RGMB: variants seen among roughly 807,000 people sequenced by gnomAD.
The protein encoded by RGMB is repulsive guidance molecule B.
RGMB carries 16 observed loss-of-function variants against 26.9 expected under a neutral mutation model. The observed-to-expected ratio is 0.60, with a 90% CI of 0.40 to 0.90. The LOEUF (loss-of-function observed/expected upper bound fraction) is 0.90, where lower values mean the gene tolerates loss of function less well. Ranked by LOEUF, RGMB falls within the 40% of genes least tolerant of loss-of-function variation. The pLI is 0.00. For missense variants in RGMB, 512 were observed against 573.3 expected (o/e 0.89, Z 1.09); for synonymous variants, 225 against 229.3 (o/e 0.98, Z 0.17).
At chr5:98,770,742 T>C, upstream of RGMB, 1 of 965,000 alleles carries the variant, frequency 1.0e-6, no homozygotes, top group Non-Finnish European at 1.4e-6. Flanking sequence ...TTCCTTATTT[T>C]CTCTCCTTTC....
Position 98,794,187 on chromosome 5 carries a change from G to C in RGMB, c.*434G>C, listed in dbSNP as rs1747042867. 1 of 153,786 alleles carries C rather than the reference G, an allele frequency of 6.5e-6. No homozygotes were observed. The highest frequency in any genetic ancestry group is 2.4e-5 in the African/African-American group (1 of 41,444). 9.5% of individuals were successfully genotyped at this position (153,786 alleles called of 1,614,324 possible). On this transcript the variant is annotated 3_prime_UTR_variant, in exon 3 of 3. Transcript: ENST00000513185. The stretch of plus-strand genomic sequence containing the variant: ...CCCATTGCTACTGATTTGCCACGGT[G>C]TGCAGCTTTTACTCGCCACCTTCCG...
At position 98,777,205 on chromosome 5, in the gene RGMB, A is replaced by G. The variant is rs184479395; in HGVS notation, c.137-2375A>G. ...TGAATGGTTCCATCTGCATTTCCAT[A>G]CTGTTCGTTTGATATTTTATGACTA... On this transcript the variant is annotated intron_variant, in intron 1 of 2. Transcript: ENST00000513185. Among the ~76,000 whole-genome samples the G allele has an allele frequency of 5.4e-4, 82 of 152,200 alleles. No homozygotes were observed. In the East Asian group the frequency reaches 0.012, roughly 23 times the overall value.
In RGMB at chr5:98,790,587, A is replaced by T. The variant is rs192420627; in HGVS notation, c.646-2498A>T. Among the ~76,000 whole-genome samples the T allele has an allele frequency of 6.8e-3, 1,031 of 152,276 alleles. 7 individuals are homozygous for T. Among genetic ancestry groups the T allele is most frequent in the African/African-American group, 0.023 (968 of 41,538 alleles). ...GAGTTGGAATTGGTGTGCTTAATGA[A>T]AAAAACAGCCGTGGTGAGACATATG... On this transcript the variant is annotated intron_variant, in intron 2 of 2. Coordinates refer to ENST00000513185, the MANE Select transcript of RGMB (RefSeq NM_001366508.1).
rs1301313272 is a variant in RGMB, at chr5:98,793,490, C to A, written c.1051C>A (p.Leu351Met). Residue 351 changes from leucine (L) to methionine (M), a missense_variant, in exon 3 of 3, where the codon CTG becomes ATG. Transcript: ENST00000513185. The part of the protein sequence containing the change: ...SLVQAWPGYT[L>M]ETANTQCHEK... ...GGTGCAGGCCTGGCCTGGCTACACA[C>A]TGGAGACTGCCAACACTCAATGCCA... The A allele has an allele frequency of 2.5e-6, 4 of 1,613,626 alleles. No homozygotes were observed. The highest frequency in any genetic ancestry group is 2.5e-6 in the Non-Finnish European group (3 of 1,179,762).
rs1365793623 is a variant in RGMB, at chr5:98,793,943, C to T, written c.*190C>T. The stretch of plus-strand genomic sequence containing the variant: ...TTTCACATATGTTGGATGTAGTGTT[C>T]TTTGATTGTATCAATTTTGTTTTGC... On this transcript the variant is annotated 3_prime_UTR_variant, in exon 3 of 3. Transcript: ENST00000513185. 8 of 511,582 alleles carry T rather than the reference C, an allele frequency of 1.6e-5. No homozygotes were observed. The highest frequency in any genetic ancestry group is 1.6e-4 in the African/African-American group (8 of 51,424). 31.7% of individuals were successfully genotyped at this position (511,582 alleles called of 1,614,324 possible).
intron 2 of RGMB, among the ~76,000 whole-genome samples, chr5:98,781,514 G>C (rs1024429887): frequency 2.4e-4 from 36 of 152,096 alleles, no homozygotes; most frequent in Admixed American, 3.3e-4. Context: ...TAAGAGAAAC[G>C]ATGGCCCCAA....
chr5:98,795,082 A>G lies in RGMB; in HGVS notation c.*1329A>G, dbSNP rs1747073660. ...CGTTGTAACTTGGAGAAATTCCTATAAAGTAAGATCTCCTTGCCTCTTCCA... is the reference window on the plus strand; with the variant it reads ...CGTTGTAACTTGGAGAAATTCCTATGAAGTAAGATCTCCTTGCCTCTTCCA... On this transcript the variant is annotated 3_prime_UTR_variant, in exon 3 of 3. Coordinates refer to ENST00000513185, the MANE Select transcript of RGMB (RefSeq NM_001366508.1). 6.6e-6 allele frequency: 1 copy of G among 152,180 alleles called. No homozygotes were observed. Among genetic ancestry groups the G allele is most frequent in the African/African-American group, 2.4e-5 (1 of 41,444 alleles). 9.4% of individuals were successfully genotyped at this position (152,180 alleles called of 1,614,324 possible).
At chr5:98,789,766 A>G (rs889276842) in intron 2 of RGMB, among the ~76,000 whole-genome samples, 6 of 152,246 alleles carry the variant, frequency 3.9e-5, no homozygotes, top group Admixed American at 1.3e-4. Context: ...AATGCCATCT[A>G]TCAATAATAA....
upstream of RGMB, chr5:98,770,518 G>GC (rs1746120410): frequency 8.3e-6 from 5 of 600,396 alleles, no homozygotes; most frequent in South Asian, 8.5e-5. Flanking sequence ...CGGGTGATGA[G>GC]CCCCCCGCAA....
At chr5:98,788,808 G>A (rs890891382) in intron 2 of RGMB, among the ~76,000 whole-genome samples, 36 of 152,208 alleles carry the variant, frequency 2.4e-4, no homozygotes, top group African/African-American at 8.4e-4. Flanking sequence ...TTGACCCTTG[G>A]AAGTAAAATT....
rs918999532 is a variant in RGMB at position 98,773,673 on chromosome 5, C to G, written c.-398C>G. The G allele has an allele frequency of 1.1e-5, 4 of 354,428 alleles. No homozygotes were observed. The Admixed American group carries it at 1.4e-4, about 13-fold the overall frequency. The allele number at this position is 354,428 out of a possible 1,614,324, so 22.0% of individuals were successfully genotyped here. A position where few individuals can be genotyped will look rare whatever the true frequency, so the allele number is the denominator to read the frequency against. ...CGCGGGGGCTGCCGCGCAGAGATATCCGGGCCGCCGGTGGGTGGTCGCTAG... is the reference window on the plus strand; with the variant it reads ...CGCGGGGGCTGCCGCGCAGAGATATGCGGGCCGCCGGTGGGTGGTCGCTAG... On this transcript the variant is annotated 5_prime_UTR_variant, in exon 1 of 3. It adds an upstream start codon to the 5' untranslated region. Transcript: ENST00000513185.
chr5:98,788,070 A>G (rs1398682113), intron 2 of RGMB, among the ~76,000 whole-genome samples: 1 of 152,178 alleles, frequency 6.6e-6, no homozygotes, highest in African/African-American at 2.4e-5. Context: ...GGTCCATTCC[A>G]TTTCTCTGGA....
intron 1 of RGMB, among the ~76,000 whole-genome samples, chr5:98,775,522 G>A (rs769492731): frequency 8.5e-5 from 13 of 152,290 alleles, no homozygotes; most frequent in Non-Finnish European, 1.5e-4. Flanking sequence ...GAGTGTTTGT[G>A]CGAAAAATAT....
intron 1 of RGMB, among the ~76,000 whole-genome samples, chr5:98,778,415 A>G (rs1251444984): frequency 1.3e-5 from 2 of 152,188 alleles, no homozygotes; most frequent in Non-Finnish European, 2.9e-5. Flanking sequence ...AAAGAATACA[A>G]AGTTCGTCTT....
chr5:98,790,464 A>G (rs1346028557), intron 2 of RGMB, among the ~76,000 whole-genome samples: 1 of 152,038 alleles, frequency 6.6e-6, no homozygotes, highest in Non-Finnish European at 1.5e-5. Flanking sequence ...GCAGAAAACA[A>G]GTTTTGAGCT....
chr5:98,793,495 G>C lies in RGMB; in HGVS notation c.1056G>C (p.Glu352Asp), dbSNP rs1448822243. 1.2e-6 allele frequency: 2 copies of C among 1,613,674 alleles called. No individual in the cohort carries two copies. The highest frequency in any genetic ancestry group is 1.7e-6 in the Non-Finnish European group (2 of 1,179,796). Residue 352 changes from glutamate (E) to aspartate (D), a missense_variant, in exon 3 of 3, where the codon GAG becomes GAC. Coordinates refer to ENST00000513185, the MANE Select transcript of RGMB (RefSeq NM_001366508.1). Reference sequence around the variant, plus strand: ...AGGCCTGGCCTGGCTACACACTGGAGACTGCCAACACTCAATGCCATGAGA... The same window carrying C: ...AGGCCTGGCCTGGCTACACACTGGACACTGCCAACACTCAATGCCATGAGA... ...LVQAWPGYTL[E>D]TANTQCHEKM...
rs1274017902 is a variant in RGMB, at chr5:98,783,893, A to G, written c.645+3805A>G. ...TTGTACAAGTAGTTTGAATGCCTTC[A>G]TTTTATTTTTCCTTTTGTTTTAATG... On this transcript the variant is annotated intron_variant, in intron 2 of 2. Transcript: ENST00000513185. Among the ~76,000 whole-genome samples, 4 of 152,242 alleles carry G rather than the reference A, an allele frequency of 2.6e-5. No homozygotes were observed. The South Asian group carries it at 8.3e-4, about 32-fold the overall frequency.
At chr5:98,783,005 G>T (rs1435491432) in intron 2 of RGMB, among the ~76,000 whole-genome samples, 5 of 152,224 alleles carry the variant, frequency 3.3e-5, no homozygotes, top group Admixed American at 3.3e-4. Context: ...GGTGCTTAAT[G>T]ATGTTGCCTC....
Position 98,774,226 on chromosome 5 carries a change from G to A in RGMB, c.136+20G>A. ...ACGCAGGTAGGACGGGAGCGCGCGAGGGGAGCCAGCCCCGGGGCCTAGGGC... is the reference window on the plus strand; with the variant it reads ...ACGCAGGTAGGACGGGAGCGCGCGAAGGGAGCCAGCCCCGGGGCCTAGGGC... On this transcript the variant is annotated intron_variant, in intron 1 of 2. Transcript: ENST00000513185. 6 of 1,404,094 alleles carry A rather than the reference G, an allele frequency of 4.3e-6. No homozygotes were observed. The South Asian group carries it at 9.1e-5, about 21-fold the overall frequency. 87.0% of individuals were successfully genotyped at this position (1,404,094 alleles called of 1,614,324 possible). A position where few individuals can be genotyped will look rare whatever the true frequency, so the allele number is the denominator to read the frequency against.
Sources: allele counts gnomAD v4.1 joint callset (sites outside exome capture counted in the v4.1 genomes callset), GRCh38; gene constraint gnomAD v4.1.1; transcripts MANE v1.5; gene names NCBI Gene and HGNC (gene_info 2026-07-23, HGNC 2026-07-21).